The following TMEM266 variants were observed in gnomAD, a reference collection of about 807,000 sequenced individuals.
The protein encoded by TMEM266 is Hv1 related protein 1.
Under a neutral mutation model 50.5 loss-of-function variants are expected in TMEM266, and 33 were observed. That is an observed-to-expected ratio of 0.65 (90% CI 0.50 to 0.87). The LOEUF is 0.87. Among genes scored for constraint, TMEM266 ranks in the 40% least tolerant of loss-of-function variants. TMEM266 has a pLI of 0.00. For synonymous variants in TMEM266, 310 were observed against 292.3 expected (o/e 1.06, Z -0.62); for missense variants, 655 against 695.1 (o/e 0.94, Z 0.65).
rs556842034 is a variant in TMEM266 at position 76,072,782 on chromosome 15, T to G, written c.-97+12766T>G. On this transcript the variant is annotated intron_variant, in intron 1 of 10. Coordinates refer to ENST00000388942, the MANE Select transcript of TMEM266 (RefSeq NM_152335.3). Reference sequence around the variant, plus strand: ...CCTCCTGGGTAGCTGGGATTACATGTGCACACCACCATGCCCAGCTAATTT... The same window carrying G: ...CCTCCTGGGTAGCTGGGATTACATGGGCACACCACCATGCCCAGCTAATTT... 2.0e-3 allele frequency among the ~76,000 whole-genome samples: 295 copies of G among 149,448 alleles called. 2 individuals carry two copies. Among genetic ancestry groups the G allele is most frequent in the African/African-American group, 6.9e-3 (278 of 40,486 alleles).
At chr15:76,154,462 G>A (rs1213852296) in intron 3 of TMEM266, among the ~76,000 whole-genome samples, 1 of 151,968 alleles carries the variant, frequency 6.6e-6, no homozygotes, top group Admixed American at 6.6e-5. Flanking sequence ...GTTCATTGAT[G>A]GCCTTCACCA....
intron 2 of TMEM266, among the ~76,000 whole-genome samples, chr15:76,135,346 C>T (rs1236298251): frequency 6.6e-6 from 1 of 152,226 alleles, no homozygotes; most frequent in Non-Finnish European, 1.5e-5. Flanking sequence ...TGTCTCTCTG[C>T]TGAGGTGACC....
At chr15:76,175,737 G>A (rs777349198) in intron 8 of TMEM266, 63 bp downstream of exon 8, 1 of 1,355,626 alleles carries the variant, frequency 7.4e-7, no homozygotes, top group Non-Finnish European at 1.0e-6. Context: ...AGTGCCTAAA[G>A]CCATGGGTTG....
chr15:76,145,630 T>C (rs2037744671), intron 3 of TMEM266, among the ~76,000 whole-genome samples: 1 of 152,222 alleles, frequency 6.6e-6, no homozygotes, highest in African/African-American at 2.4e-5. Context: ...TGGGATGGGA[T>C]AGTGTGAACA....
chr15:76,177,383 C>T (rs1041814205), intron 8 of TMEM266, among the ~76,000 whole-genome samples: 7 of 152,216 alleles, frequency 4.6e-5, no homozygotes, highest in East Asian at 1.9e-4. Context: ...GTTGGCTCCT[C>T]GACCAACCCC....
chr15:76,169,903 C>G (rs2038161545), intron 6 of TMEM266, 31 bp downstream of exon 6: 1 of 1,602,222 alleles, frequency 6.2e-7, no homozygotes, highest in African/African-American at 1.3e-5. Context: ...CCAAAGCCCC[C>G]ACTCTGCCAT....
chr15:76,162,871 A>C (rs2038039260), intron 5 of TMEM266, among the ~76,000 whole-genome samples: 1 of 152,230 alleles, frequency 6.6e-6, no homozygotes, highest in Non-Finnish European at 1.5e-5. Flanking sequence ...TTTCCTGGTT[A>C]ATACCCAGGG....
At chr15:76,114,737 T>G (rs1273640016) in intron 1 of TMEM266, among the ~76,000 whole-genome samples, 1 of 152,216 alleles carries the variant, frequency 6.6e-6, no homozygotes, top group Non-Finnish European at 1.5e-5. Flanking sequence ...GTTATGACAT[T>G]TAGCGCATCC....
intron 1 of TMEM266, among the ~76,000 whole-genome samples, chr15:76,080,071 T>C (rs1170231795): frequency 1.3e-5 from 2 of 151,422 alleles, no homozygotes; most frequent in African/African-American, 4.9e-5. Context: ...TGATGTTTCC[T>C]TTTAAGATCC....
At chr15:76,107,986 A>G (rs1481940802) in intron 1 of TMEM266, among the ~76,000 whole-genome samples, 4 of 152,158 alleles carry the variant, frequency 2.6e-5, no homozygotes, top group African/African-American at 4.8e-5. Context: ...CTTGCCATAC[A>G]TCGTCCTTTT....
intron 1 of TMEM266, among the ~76,000 whole-genome samples, chr15:76,070,352 A>G (rs777794968): frequency 2.6e-4 from 40 of 152,128 alleles, no homozygotes; most frequent in Admixed American, 1.2e-3. Context: ...TTATTTCTTT[A>G]TTTTATTCAT....
At chr15:76,110,020 G>A (rs1467586495) in intron 1 of TMEM266, among the ~76,000 whole-genome samples, 1 of 150,696 alleles carries the variant, frequency 6.6e-6, no homozygotes, top group East Asian at 1.9e-4. Flanking sequence ...TTTTTTTTGA[G>A]ACAGAGTCTC....
intron 5 of TMEM266, among the ~76,000 whole-genome samples, chr15:76,169,424 C>T (rs922174499): frequency 6.6e-6 from 1 of 152,050 alleles, no homozygotes; most frequent in African/African-American, 2.4e-5. Context: ...TTTGAAGATT[C>T]GTAAGTGGTT....
chr15:76,195,562 C>T (rs2038641139), intron 9 of TMEM266, among the ~76,000 whole-genome samples: 1 of 152,246 alleles, frequency 6.6e-6, no homozygotes, highest in South Asian at 2.1e-4. Context: ...AGCAGATTTA[C>T]CATCTCAGCC....
intron 1 of TMEM266, among the ~76,000 whole-genome samples, chr15:76,083,040 TGTGGGGAGG>T (rs1334571280): frequency 6.6e-6 from 1 of 151,976 alleles, no homozygotes; most frequent in African/African-American, 2.4e-5. Context: ...CACTCGTTAC[TGTGGGGAGG>T]GAACCTAGCC....
chr15:76,134,092 A>T, intron 1 of TMEM266, 76 bp from the exon 2 acceptor site: 2 of 591,142 alleles, frequency 3.4e-6, no homozygotes, highest in South Asian at 4.9e-5. Context: ...AGTTCTAAGG[A>T]CTCCCATTTT....
chr15:76,175,497 C>T, intron 7 of TMEM266, 62 bp from the exon 8 acceptor site: 2 of 1,345,284 alleles, frequency 1.5e-6, no homozygotes, highest in Non-Finnish European at 2.1e-6. Flanking sequence ...GCTGGGCCCG[C>T]CCTTCCCTAG....
At chr15:76,109,831 T>A (rs991795794) in intron 1 of TMEM266, among the ~76,000 whole-genome samples, 2 of 151,810 alleles carry the variant, frequency 1.3e-5, no homozygotes, top group Non-Finnish European at 2.9e-5. Flanking sequence ...GCTAATTTTT[T>A]AAATTTTTTG....
intron 1 of TMEM266, among the ~76,000 whole-genome samples, chr15:76,117,312 A>C (rs913085136): frequency 6.6e-6 from 1 of 152,040 alleles, no homozygotes; most frequent in Non-Finnish European, 1.5e-5. Context: ...GGCTTCTCAG[A>C]GACAAGGTCA....
Sources: allele counts gnomAD v4.1 joint callset (sites outside exome capture counted in the v4.1 genomes callset), GRCh38; gene constraint gnomAD v4.1.1; transcripts MANE v1.5; gene names NCBI Gene and HGNC (gene_info 2026-07-23, HGNC 2026-07-21).